The following ARL8B variants were observed in gnomAD, a reference collection of about 807,000 sequenced individuals.
ARL8B encodes the protein ADP-ribosylation factor-like protein 8B.
ARL8B carries 9 observed loss-of-function variants against 30.6 expected under a neutral mutation model. That is an observed-to-expected ratio of 0.29 (90% confidence interval 0.18 to 0.51). ARL8B has a LOEUF of 0.51. ARL8B is among the 20% of genes least tolerant of loss of function. The probability of loss-of-function intolerance (pLI) is 0.97; values close to 1 mark genes in which losing one functional copy is unlikely to be tolerated. For missense variants in ARL8B, 130 were observed against 227.2 expected (o/e 0.57, Z 2.75); for synonymous variants, 74 against 76.0 (o/e 0.97, Z 0.14).
chr3:5,165,933 A>G (rs1433543358), intron 1 of ARL8B, among the ~76,000 whole-genome samples: 1 of 152,172 alleles, frequency 6.6e-6, no homozygotes, highest in Non-Finnish European at 1.5e-5. Context: ...CCAGTGTCAG[A>G]TATCACTGTT....
intron 1 of ARL8B, among the ~76,000 whole-genome samples, chr3:5,143,899 G>C (rs1362370081): frequency 6.6e-6 from 1 of 151,990 alleles, no homozygotes; most frequent in Non-Finnish European, 1.5e-5. Flanking sequence ...AACTCGTAGG[G>C]GGACAATCCC....
chr3:5,122,998 G>A (rs2054196605), intron 1 of ARL8B, among the ~76,000 whole-genome samples: 1 of 152,198 alleles, frequency 6.6e-6, no homozygotes, highest in Admixed American at 6.5e-5. Flanking sequence ...TCCGTCAGCC[G>A]TACGAGAAAG....
intron 1 of ARL8B, among the ~76,000 whole-genome samples, chr3:5,142,061 G>A (rs745558161): frequency 2.0e-5 from 3 of 152,124 alleles, no homozygotes; most frequent in Admixed American, 6.6e-5. Flanking sequence ...TTCAGTGGCC[G>A]TGTGTGTTTT....
intron 1 of ARL8B, among the ~76,000 whole-genome samples, chr3:5,133,680 CT>C (rs1236846676): frequency 6.6e-6 from 1 of 152,074 alleles, no homozygotes; most frequent in African/African-American, 2.4e-5. Context: ...AACCCCAGCA[CT>C]TTGGGAGGCT....
At chr3:5,126,242 C>G (rs2054229027) in intron 1 of ARL8B, among the ~76,000 whole-genome samples, 1 of 151,722 alleles carries the variant, frequency 6.6e-6, no homozygotes, top group Non-Finnish European at 1.5e-5. Context: ...TAGGTAGAAA[C>G]AATGTGTCCA....
chr3:5,132,663 C>T (rs1170897089), intron 1 of ARL8B, among the ~76,000 whole-genome samples: 1 of 152,188 alleles, frequency 6.6e-6, no homozygotes, highest in Non-Finnish European at 1.5e-5. Context: ...AGAACAGTCC[C>T]TGCCACATGA....
At chr3:5,177,369 T>C (rs944708407) in intron 6 of ARL8B, among the ~76,000 whole-genome samples, 7 of 152,230 alleles carry the variant, frequency 4.6e-5, no homozygotes, top group African/African-American at 1.7e-4. Flanking sequence ...TTCTGTTGTC[T>C]TTTTGCCTAT....
chr3:5,130,685 G>C (rs936812213), intron 1 of ARL8B, among the ~76,000 whole-genome samples: 1 of 151,746 alleles, frequency 6.6e-6, no homozygotes, highest in African/African-American at 2.4e-5. Flanking sequence ...ACAGGCTTGC[G>C]CCACTACGCC....
At chr3:5,151,864 A>G (rs1285398540) in intron 1 of ARL8B, among the ~76,000 whole-genome samples, 19 of 151,936 alleles carry the variant, frequency 1.3e-4, no homozygotes, top group Admixed American at 1.2e-3. Context: ...ACCTGGGACC[A>G]CAGGCTCACA....
intron 1 of ARL8B, among the ~76,000 whole-genome samples, chr3:5,155,603 T>A (rs2054525011): frequency 6.6e-6 from 1 of 152,170 alleles, no homozygotes; most frequent in South Asian, 2.1e-4. Context: ...TTTTTTTTCT[T>A]TCTCTGACTC....
At chr3:5,172,127 A>G (rs1559286501) in intron 2 of ARL8B, 23 bp from the exon 3 acceptor site, 1 of 1,591,056 alleles carries the variant, frequency 6.3e-7, no homozygotes, top group East Asian at 2.2e-5. Flanking sequence ...CTTTATTAAG[A>G]ATTGCCTTGT....
At chr3:5,146,096 T>C (rs191993469) in intron 1 of ARL8B, among the ~76,000 whole-genome samples, 7 of 152,318 alleles carry the variant, frequency 4.6e-5, no homozygotes, top group African/African-American at 1.7e-4. Context: ...CCAAATAAGT[T>C]TGGGGCTTCC....
At chr3:5,167,991 C>CA (rs1227303211) in intron 1 of ARL8B, among the ~76,000 whole-genome samples, 6 of 152,144 alleles carry the variant, frequency 3.9e-5, no homozygotes, top group Admixed American at 2.0e-4. Flanking sequence ...AATTATTGCA[C>CA]AAAATTCATG....
chr3:5,135,607 C>T (rs1228103301), intron 1 of ARL8B, among the ~76,000 whole-genome samples: 10 of 149,384 alleles, frequency 6.7e-5, no homozygotes, highest in East Asian at 2.0e-4. Flanking sequence ...TACAGGTGCA[C>T]GCCACCATGC....
At chr3:5,147,541 C>T (rs1282516348) in intron 1 of ARL8B, among the ~76,000 whole-genome samples, 2 of 152,142 alleles carry the variant, frequency 1.3e-5, no homozygotes, top group African/African-American at 4.8e-5. Flanking sequence ...CGTTTCCCTT[C>T]TTTCTCTATG....
At chr3:5,131,744 T>A (rs1447162949) in intron 1 of ARL8B, among the ~76,000 whole-genome samples, 1 of 152,236 alleles carries the variant, frequency 6.6e-6, no homozygotes, top group Non-Finnish European at 1.5e-5. Flanking sequence ...TTAACCCTTA[T>A]ATGAATATTT....
rs529494856 is a variant in ARL8B, at chr3:5,167,168, C to G, written c.124-3335C>G. 1.3e-5 allele frequency among the ~76,000 whole-genome samples: 2 copies of G among 152,316 alleles called. 1 individual carries two copies. Among genetic ancestry groups the G allele is most frequent in the South Asian group, 4.1e-4 (2 of 4,822 alleles). On this transcript the variant is annotated intron_variant, in intron 1 of 6. Coordinates refer to ENST00000256496, the MANE Select transcript of ARL8B (RefSeq NM_018184.3). ...ATTTTGTTCAACCAAGTTCCAGGTA[C>G]ACTGCCTTGCAACTTTGGCTTATAG... is the stretch of plus-strand genomic sequence containing the variant.
chr3:5,127,932 G>A (rs1361394458), intron 1 of ARL8B, among the ~76,000 whole-genome samples: 2 of 137,858 alleles, frequency 1.5e-5, no homozygotes, highest in Non-Finnish European at 1.5e-5. Context: ...GCTTACGCCT[G>A]TAATCCCAGC....
At chr3:5,150,839 A>C (rs889628389) in intron 1 of ARL8B, among the ~76,000 whole-genome samples, 2 of 152,222 alleles carry the variant, frequency 1.3e-5, no homozygotes, top group African/African-American at 4.8e-5. Context: ...AAATAATTCT[A>C]GTCCCGGGAT....
Sources: allele counts gnomAD v4.1 joint callset (sites outside exome capture counted in the v4.1 genomes callset), GRCh38; gene constraint gnomAD v4.1.1; transcripts MANE v1.5; gene names NCBI Gene and HGNC (gene_info 2026-07-23, HGNC 2026-07-21).